Variants in FAT4 observed in about 807,000 individuals in gnomAD.
The protein encoded by FAT4 is FAT atypical cadherin 4, also known as protocadherin Fat 4.
FAT4 carries 84 observed loss-of-function variants against 303.9 expected under a neutral mutation model. That is an observed-to-expected ratio of 0.28 (90% confidence interval 0.23 to 0.33). The LOEUF is 0.33. Among genes scored for constraint, FAT4 ranks in the 10% least tolerant of loss-of-function variants. The probability of loss-of-function intolerance (pLI) is 1.00; values close to 1 mark genes in which losing one functional copy is unlikely to be tolerated. For synonymous variants in FAT4, 2,307 were observed against 2,298.8 expected (o/e 1.00, Z -0.10); for missense variants, 6,005 against 6,146.8 (o/e 0.98, Z 0.77).
intron 7 of FAT4, among the ~76,000 whole-genome samples, chr4:125,432,194 C>A (rs936711801): frequency 6.6e-6 from 1 of 152,170 alleles, no homozygotes; most frequent in African/African-American, 2.4e-5. Flanking sequence ...CAGGAAGCAG[C>A]ACTGTTCCCC....
rs768540181 is a variant in FAT4 at position 125,449,534 on chromosome 4, C to A, written c.8524C>A (p.Arg2842Ser). ...SRPLNREDTDRYRIRVSAHDS... is the reference protein window; with the variant it reads ...SRPLNREDTDSYRIRVSAHDS... ...ACCTTTAAATAGGGAAGATACAGAC[C>A]GTTACAGAATTCGAGTTTCCGCACA... Residue 2842 changes from arginine to serine, a missense_variant, in exon 10 of 18, where the codon CGT (arginine) becomes AGT (serine). Transcript: ENST00000394329. 6.2e-7 allele frequency: 1 copy of A among 1,613,414 alleles called. No individual in the cohort carries two copies. Among genetic ancestry groups the A allele is most frequent in the East Asian group, 2.2e-5 (1 of 44,842 alleles).
At chr4:125,447,794 G>A (rs1488875390) in intron 9 of FAT4, among the ~76,000 whole-genome samples, 2 of 152,030 alleles carry the variant, frequency 1.3e-5, no homozygotes, top group Non-Finnish European at 2.9e-5. Flanking sequence ...TGGAGTCCAA[G>A]TTGAGTCCAT....
chr4:125,450,256 T>A lies in FAT4; in HGVS notation c.9246T>A (p.Thr3082=). 3.1e-6 allele frequency: 5 copies of A among 1,614,080 alleles called. No individual in the cohort carries two copies. The highest frequency in any genetic ancestry group is 4.2e-6 in the Non-Finnish European group (5 of 1,180,002). The stretch of plus-strand genomic sequence containing the variant: ...AAGCAACTGTTCACATAACTGTCAC[T>A]GAGGAAAACTACCATACACCTGAAT... ...SSQATVHITV[T]EENYHTPEFS... is the part of the protein sequence containing the mutation. The change falls in exon 10 of 18, where the codon ACT becomes ACA. Residue 3082 remains threonine, a synonymous_variant. Coordinates refer to ENST00000394329, the MANE Select transcript of FAT4 (RefSeq NM_001291303.3).
At chr4:125,343,473 T>C (rs542977734) in intron 2 of FAT4, among the ~76,000 whole-genome samples, 1 of 152,166 alleles carries the variant, frequency 6.6e-6, no homozygotes, top group South Asian at 2.1e-4. Context: ...CCATATGATT[T>C]ACAACTCCAT....
intron 2 of FAT4, among the ~76,000 whole-genome samples, chr4:125,378,140 T>C (rs1458222886): frequency 1.3e-5 from 2 of 152,100 alleles, no homozygotes; most frequent in African/African-American, 4.8e-5. Context: ...ATTGATTCTA[T>C]GTATGTACCA....
At chr4:125,355,395 A>G (rs1001221071) in intron 2 of FAT4, among the ~76,000 whole-genome samples, 10 of 152,018 alleles carry the variant, frequency 6.6e-5, no homozygotes, top group Admixed American at 6.6e-4. Flanking sequence ...TGTGTTCCAG[A>G]TATAATTCCA....
intron 5 of FAT4, among the ~76,000 whole-genome samples, chr4:125,410,578 A>C (rs902871960): frequency 6.6e-6 from 1 of 152,152 alleles, no homozygotes. Context: ...TACAGAGAAG[A>C]ATTTTCCACC....
chr4:125,481,540 C>CT lies in FAT4; in HGVS notation c.12626dup (p.Leu4209PhefsTer17). Reference sequence around the variant, plus strand: ...TTCCAGCTGTTACTCCTGACACTGCCTTATCATTAGAAGGCAAAGGGCGCT... The same window carrying CT: ...TTCCAGCTGTTACTCCTGACACTGCCTTTATCATTAGAAGGCAAAGGGCGCT... On this transcript the variant is annotated frameshift_variant, in exon 16 of 18. Transcript: ENST00000394329. LOFTEE classifies it high-confidence loss of function. 1.9e-6 allele frequency: 3 copies of CT among 1,613,896 alleles called. No homozygotes were observed. The highest frequency in any genetic ancestry group is 2.5e-6 in the Non-Finnish European group (3 of 1,179,876).
chr4:125,440,606 T>TGAGACAGAGAGAGAGA (rs777627667), intron 8 of FAT4, among the ~76,000 whole-genome samples: 2 of 29,756 alleles, frequency 6.7e-5, no homozygotes, highest in South Asian at 2.0e-3. Context: ...TGTGTGTGTG[T>TGAGACAGAGAGAGAGA]GTGTGAGAGA....
chr4:125,479,988 GGACAATAATT>G, intron 15 of FAT4, 123 bp downstream of exon 15: 4 of 714,026 alleles, frequency 5.6e-6, no homozygotes, highest in Non-Finnish European at 7.9e-6. Flanking sequence ...AATATTAAAT[GGACAATAATT>G]GGTAAAATAC....
chr4:125,389,435 A>G (rs1004357557), intron 2 of FAT4, among the ~76,000 whole-genome samples: 1 of 152,206 alleles, frequency 6.6e-6, no homozygotes, highest in African/African-American at 2.4e-5. Flanking sequence ...CTAGTAAAAT[A>G]TAATGCTTAT....
intron 2 of FAT4, among the ~76,000 whole-genome samples, chr4:125,396,968 A>C (rs1239390839): frequency 7.8e-6 from 1 of 128,810 alleles, no homozygotes; most frequent in Non-Finnish European, 1.6e-5. Context: ...ATATATATAA[A>C]ATATGTATGT....
At position 125,451,438 on chromosome 4, in the gene FAT4, C is replaced by G; in HGVS notation, c.10428C>G (p.Pro3476=). 1 of 1,614,120 alleles carries G rather than the reference C, an allele frequency of 6.2e-7. No homozygotes were observed. Among genetic ancestry groups the G allele is most frequent in the Non-Finnish European group, 8.5e-7 (1 of 1,180,008 alleles). The change falls in exon 10 of 18, where the codon CCC becomes CCG. Residue 3476 remains proline (P), a synonymous_variant. Coordinates refer to ENST00000394329, the MANE Select transcript of FAT4 (RefSeq NM_001291303.3). ...CAGAATTAGATCGAGAAACCCTTCCCATCTATAATCTCTCAGTTTTGGCTG... is the reference window on the plus strand; with the variant it reads ...CAGAATTAGATCGAGAAACCCTTCCGATCTATAATCTCTCAGTTTTGGCTG... The part of the protein sequence containing the change: ...VTAELDRETL[P]IYNLSVLAVD...
intron 8 of FAT4, chr4:125,446,009 C>A: frequency 4.2e-6 from 1 of 240,756 alleles, no homozygotes; most frequent in Admixed American, 5.1e-5. Flanking sequence ...TTATTTAAAG[C>A]CTTAGGGGTT....
At chr4:125,403,121 TA>T (rs1422597848) in intron 3 of FAT4, among the ~76,000 whole-genome samples, 1 of 152,054 alleles carries the variant, frequency 6.6e-6, no homozygotes, top group Non-Finnish European at 1.5e-5. Flanking sequence ...AAGAATAAAA[TA>T]ACAACTATCA....
intron 2 of FAT4, among the ~76,000 whole-genome samples, chr4:125,388,548 A>G (rs970746141): frequency 6.6e-6 from 1 of 152,208 alleles, no homozygotes; most frequent in African/African-American, 2.4e-5. Context: ...TTTGAAGAAT[A>G]GTATAAAAAT....
intron 2 of FAT4, among the ~76,000 whole-genome samples, chr4:125,378,607 C>A (rs1168382057): frequency 6.6e-6 from 1 of 152,050 alleles, no homozygotes; most frequent in Non-Finnish European, 1.5e-5. Flanking sequence ...ACTATATTTT[C>A]TCTTAGTAAG....
chr4:125,463,273 A>C (rs1282141210), intron 10 of FAT4, among the ~76,000 whole-genome samples: 1 of 152,040 alleles, frequency 6.6e-6, no homozygotes, highest in Non-Finnish European at 1.5e-5. Context: ...AATTCAGTGA[A>C]AGCATTTAAA....
At chr4:125,454,257 G>A (rs1177248528) in intron 10 of FAT4, among the ~76,000 whole-genome samples, 3 of 152,148 alleles carry the variant, frequency 2.0e-5, no homozygotes, top group Non-Finnish European at 4.4e-5. Context: ...TTTATATTTG[G>A]AGAATTGAAT....
Sources: allele counts gnomAD v4.1 joint callset (sites outside exome capture counted in the v4.1 genomes callset), GRCh38; gene constraint gnomAD v4.1.1; transcripts MANE v1.5; gene names NCBI Gene and HGNC (gene_info 2026-07-23, HGNC 2026-07-21).